The following ATP8B4 variants were observed in gnomAD, a reference collection of about 807,000 sequenced individuals.
The protein encoded by ATP8B4 is ATPase phospholipid transporting 8B4 (putative), also known as probable phospholipid-transporting ATPase IM.
Under a neutral mutation model 145.6 loss-of-function variants are expected in ATP8B4, and 133 were observed. The observed-to-expected ratio is 0.91, with a 90% CI of 0.79 to 1.05. The LOEUF is 1.05. Ranked by LOEUF, ATP8B4 falls within the 50% of genes least tolerant of loss-of-function variation. ATP8B4 has a pLI of 0.00. For synonymous variants in ATP8B4, 507 were observed against 492.9 expected (o/e 1.03, Z -0.38); for missense variants, 1,458 against 1,425.2 (o/e 1.02, Z -0.37).
intron 7 of ATP8B4, among the ~76,000 whole-genome samples, chr15:50,006,677 C>G (rs28661135): frequency 0.01 from 1,532 of 152,224 alleles, 34 homozygotes; most frequent in African/African-American, 0.035. Context: ...ATTCCTCTAT[C>G]AGAAGAATGC....
chr15:49,944,520 A>G (rs2042410086), intron 14 of ATP8B4, among the ~76,000 whole-genome samples: 2 of 152,192 alleles, frequency 1.3e-5, no homozygotes, highest in Admixed American at 6.5e-5. Context: ...TGATGTAGCA[A>G]TTATAAGTCT....
At chr15:50,065,128 T>C (rs984979167) in intron 3 of ATP8B4, among the ~76,000 whole-genome samples, 2 of 152,166 alleles carry the variant, frequency 1.3e-5, no homozygotes, top group Non-Finnish European at 2.9e-5. Context: ...TGATAAGTTA[T>C]GTGAGATAAG....
At position 49,866,459 on chromosome 15, in the gene ATP8B4, G is replaced by A; in HGVS notation, c.3053C>T (p.Thr1018Ile). 6.2e-7 allele frequency: 1 copy of A among 1,613,796 alleles called. No homozygotes were observed. The highest frequency in any genetic ancestry group is 8.5e-7 in the Non-Finnish European group (1 of 1,179,702). Residue 1018 changes from threonine (T) to isoleucine (I), a missense_variant, in exon 26 of 28, where the codon ACT (threonine) becomes ATT (isoleucine). Physicochemically the swap from Thr to Ile is moderately conservative, Grantham distance 89. Coordinates refer to ENST00000284509, the MANE Select transcript of ATP8B4 (RefSeq NM_024837.4). Reference protein sequence around the residue: ...VQIALDTSYWTFINHVFIWGS... With the variant: ...VQIALDTSYWIFINHVFIWGS... ...CCAGATGAAGACGTGATTAATGAAA[G>A]TCCAGTAACTGGTATCCAAGGCTAT...
chr15:50,167,208 G>C (rs2044608579), intron 1 of ATP8B4, among the ~76,000 whole-genome samples: 1 of 152,116 alleles, frequency 6.6e-6, no homozygotes, highest in African/African-American at 2.4e-5. Context: ...TAGCATATTA[G>C]TTTCCTAGGG....
chr15:50,146,233 T>A (rs778697181), intron 1 of ATP8B4, among the ~76,000 whole-genome samples: 4 of 152,070 alleles, frequency 2.6e-5, no homozygotes, highest in Non-Finnish European at 5.9e-5. Flanking sequence ...AGGCTGGTCT[T>A]GAACTCTGAC....
At chr15:50,120,797 C>A (rs2057261740), upstream of ATP8B4, among the ~76,000 whole-genome samples, 1 of 152,126 alleles carries the variant, frequency 6.6e-6, no homozygotes, top group Non-Finnish European at 1.5e-5. Context: ...TGTAGCCATT[C>A]AAAAGAGGGT....
intron 8 of ATP8B4, among the ~76,000 whole-genome samples, chr15:49,998,936 C>T (rs2047658216): frequency 6.6e-6 from 1 of 152,078 alleles, no homozygotes; most frequent in Non-Finnish European, 1.5e-5. Flanking sequence ...AGGAAGGGAT[C>T]CAGTTTCAGC....
chr15:49,981,593 G>C (rs1200740399), intron 10 of ATP8B4, among the ~76,000 whole-genome samples: 2 of 152,032 alleles, frequency 1.3e-5, no homozygotes, highest in African/African-American at 4.8e-5. Context: ...CTTCTAGTTT[G>C]ACATAGTTAA....
At chr15:49,955,315 T>C (rs888831818) in intron 14 of ATP8B4, among the ~76,000 whole-genome samples, 141 of 152,202 alleles carry the variant, frequency 9.3e-4, no homozygotes, top group African/African-American at 3.2e-3. Flanking sequence ...TGTACCCCGA[T>C]TCTAAAACAA....
intron 1 of ATP8B4, among the ~76,000 whole-genome samples, chr15:50,176,000 G>A (rs1295158145): frequency 2.0e-5 from 3 of 151,518 alleles, no homozygotes; most frequent in Non-Finnish European, 2.9e-5. Flanking sequence ...TATATAGTGT[G>A]TACATATGTA....
intron 1 of ATP8B4, among the ~76,000 whole-genome samples, chr15:50,111,321 C>A (rs909718723): frequency 6.6e-6 from 1 of 152,216 alleles, no homozygotes; most frequent in Non-Finnish European, 1.5e-5. Flanking sequence ...GAAGCCTGCC[C>A]ACAGGGAAAG....
chr15:50,142,103 G>T (rs906214566), intron 1 of ATP8B4, among the ~76,000 whole-genome samples: 4 of 152,208 alleles, frequency 2.6e-5, no homozygotes, highest in African/African-American at 9.6e-5. Context: ...TTCAGGGAAT[G>T]CTGAGAAATA....
chr15:50,111,201 T>A (rs976743331), intron 1 of ATP8B4, among the ~76,000 whole-genome samples: 5 of 151,976 alleles, frequency 3.3e-5, no homozygotes, highest in Non-Finnish European at 7.4e-5. Flanking sequence ...AAATGGAGAG[T>A]CTCTTTAATG....
intron 6 of ATP8B4, chr15:50,018,916 C>T: frequency 8.0e-7 from 1 of 1,257,390 alleles, no homozygotes; most frequent in South Asian, 1.3e-5. Flanking sequence ...GATAAATCTT[C>T]TTCCTTACAA....
chr15:49,931,082 T>C (rs756124892), intron 16 of ATP8B4, 37 bp downstream of exon 16: 3 of 1,564,484 alleles, frequency 1.9e-6, no homozygotes, highest in Non-Finnish European at 1.7e-6. Flanking sequence ...CACAACAGTA[T>C]GAAAAGATCA....
intron 11 of ATP8B4, among the ~76,000 whole-genome samples, 165 bp from the exon 12 acceptor site, chr15:49,979,978 A>T (rs1169812958): frequency 2.6e-5 from 4 of 152,202 alleles, no homozygotes; most frequent in Non-Finnish European, 2.9e-5. Flanking sequence ...ACTCAGCTAA[A>T]TATTTTACAT....
chr15:49,860,025 G>T lies in ATP8B4; in HGVS notation c.*169C>A. On this transcript the variant is annotated 3_prime_UTR_variant, in exon 28 of 28. Coordinates refer to ENST00000284509, the MANE Select transcript of ATP8B4 (RefSeq NM_024837.4). Reference sequence around the variant, plus strand: ...TGACCCTCTGGCCTGGTTTTCCATAGCGCACACTCCTGTTTGATGGGCACT... The same window carrying T: ...TGACCCTCTGGCCTGGTTTTCCATATCGCACACTCCTGTTTGATGGGCACT... 2.6e-6 allele frequency: 2 copies of T among 759,838 alleles called. No individual in the cohort carries two copies. Among genetic ancestry groups the T allele is most frequent in the Non-Finnish European group, 4.1e-6 (2 of 486,226 alleles). The allele number at this position is 759,838 out of a possible 1,614,324, so 47.1% of individuals were successfully genotyped here.
At chr15:49,918,707 C>A in intron 19 of ATP8B4, 132 bp downstream of exon 19, 1 of 658,438 alleles carries the variant, frequency 1.5e-6, no homozygotes. Context: ...TTCCTCTTCT[C>A]TATTTCAAGT....
intron 14 of ATP8B4, among the ~76,000 whole-genome samples, chr15:49,950,643 A>C (rs2043019792): frequency 6.6e-6 from 1 of 151,290 alleles, no homozygotes; most frequent in African/African-American, 2.4e-5. Flanking sequence ...ACAACAACAA[A>C]AAACCAGCTC....
Sources: gnomAD v4.1 joint callset for allele counts (sites outside exome capture counted in the v4.1 genomes callset) on GRCh38, gnomAD v4.1.1 for gene constraint, MANE v1.5 for transcripts, NCBI Gene and HGNC (gene_info 2026-07-23, HGNC 2026-07-21) for gene names.